CACNA1D: variants seen among roughly 807,000 people sequenced by gnomAD.
The protein encoded by CACNA1D is calcium voltage-gated channel subunit alpha1 D, also known as voltage-dependent L-type calcium channel subunit alpha-1D.
In CACNA1D, 55 loss-of-function variants were observed where a neutral mutation model predicts 257.1. That is an observed-to-expected ratio of 0.21 (90% CI 0.17 to 0.27). The LOEUF (loss-of-function observed/expected upper bound fraction) is 0.27, where lower values mean the gene tolerates loss of function less well. Ranked by LOEUF, CACNA1D falls within the 10% of genes least tolerant of loss-of-function variation. The pLI is 1.00. For synonymous variants in CACNA1D, 980 were observed against 1,014.9 expected, an observed-to-expected ratio of 0.97 and a Z score of 0.65; for missense variants, 1,876 against 2,784.0, an observed-to-expected ratio of 0.67 and a Z score of 7.34.
At chr3:53,770,130 T>A in intron 31 of CACNA1D, 113 bp downstream of exon 31, 1 of 933,206 alleles carries the variant, frequency 1.1e-6, no homozygotes, top group Non-Finnish European at 1.8e-6. Context: ...TCCAGAACAG[T>A]GTCTGCAGTG....
At chr3:53,533,258 T>C (rs150754999) in intron 3 of CACNA1D, among the ~76,000 whole-genome samples, 3 of 152,334 alleles carry the variant, frequency 2.0e-5, no homozygotes, top group Non-Finnish European at 4.4e-5. Context: ...CTCCCCATTT[T>C]CATTTTGATA....
rs773319583 is a variant in CACNA1D, at chr3:53,666,320, C to G, written c.920-19C>G. ...ATGTTTCTGTCCTGAGCGGTACAGC[C>G]TGTTTGCTCTGTTTGCAGATATCGT... On this transcript the variant is annotated intron_variant, in intron 6 of 47. Coordinates refer to ENST00000350061, the MANE Select transcript of CACNA1D (RefSeq NM_001128840.3). 6 of 1,610,406 alleles carry G rather than the reference C, an allele frequency of 3.7e-6. No individual in the cohort carries two copies. In the South Asian group the frequency reaches 6.6e-5, roughly 18 times the overall value.
intron 3 of CACNA1D, among the ~76,000 whole-genome samples, chr3:53,508,741 G>A (rs901531203): frequency 6.6e-6 from 1 of 152,168 alleles, no homozygotes. Flanking sequence ...CCAATACAGG[G>A]TGACAGCATG....
chr3:53,638,444 T>C (rs9819463), intron 3 of CACNA1D, among the ~76,000 whole-genome samples: 34,313 of 152,180 alleles, frequency 0.23, 4,357 homozygotes, highest in African/African-American at 0.34. Flanking sequence ...GGCACCATGC[T>C]GTTCCTGGGT....
At chr3:53,507,072 C>CAAAAAAAAAAAAAAAAAAAAAAAAA (rs781421977) in intron 3 of CACNA1D, among the ~76,000 whole-genome samples, 7 of 56,706 alleles carry the variant, frequency 1.2e-4, no homozygotes, top group East Asian at 5.1e-4. Context: ...GACTCTATCT[C>CAAAAAAAAAAAAAAAAAAAAAAAAA]AAAAAAAAAA....
At chr3:53,788,138 A>G (rs2095465642) in intron 40 of CACNA1D, among the ~76,000 whole-genome samples, 1 of 152,142 alleles carries the variant, frequency 6.6e-6, no homozygotes, top group African/African-American at 2.4e-5. Context: ...TATGAATGAC[A>G]GTGAATGAGT....
At chr3:53,638,608 C>T (rs2093913346) in intron 3 of CACNA1D, among the ~76,000 whole-genome samples, 1 of 152,214 alleles carries the variant, frequency 6.6e-6, no homozygotes, top group East Asian at 1.9e-4. Context: ...ACCAACAAAC[C>T]TGGGTAGCTT....
rs546677533 is a variant in CACNA1D, at chr3:53,774,192, A to T, written c.4111-395A>T. On this transcript the variant is annotated intron_variant, in intron 33 of 47. Transcript: ENST00000350061. The surrounding 1 kb of genome is among the most constrained non-coding windows in gnomAD (Gnocchi z 4.3). ...TTTCCTATCACCTGATGTATCTTTCAGTTCTGAGTTTACATGTCACTTCCC... is the reference window on the plus strand; with the variant it reads ...TTTCCTATCACCTGATGTATCTTTCTGTTCTGAGTTTACATGTCACTTCCC... 4 of 257,286 alleles carry T rather than the reference A, an allele frequency of 1.6e-5. No individual in the cohort carries two copies. The East Asian group carries it at 3.9e-4, about 25-fold the overall frequency. 15.9% of individuals were successfully genotyped at this position (257,286 alleles called of 1,614,324 possible).
At position 53,604,362 on chromosome 3, in the gene CACNA1D, C is replaced by G. The variant is rs534703933; in HGVS notation, c.484-46417C>G. On this transcript the variant is annotated intron_variant, in intron 3 of 47. Transcript: ENST00000350061. ...ACTGGCCAGCAGATGGGGAGTGGAG[C>G]TCAGTAGATAGCCATTCTGCACTCT... Among the ~76,000 whole-genome samples, 22 of 152,270 alleles carry G rather than the reference C, an allele frequency of 1.4e-4. No homozygotes were observed. The South Asian group carries it at 4.6e-3, about 32-fold the overall frequency.
intron 3 of CACNA1D, among the ~76,000 whole-genome samples, chr3:53,567,228 T>A (rs1248385777): frequency 6.6e-6 from 1 of 152,206 alleles, no homozygotes; most frequent in East Asian, 1.9e-4. Context: ...TCGCTAAAGT[T>A]CACTTTGGCC....
chr3:53,672,795 TGTGTGTGTGTG>T (rs1176764242), intron 7 of CACNA1D, among the ~76,000 whole-genome samples: 2 of 149,536 alleles, frequency 1.3e-5, no homozygotes, highest in African/African-American at 2.5e-5. Flanking sequence ...TGTGTGTGTG[TGTGTGTGTGTG>T]TGTGTGTGTG....
intron 3 of CACNA1D, among the ~76,000 whole-genome samples, chr3:53,643,777 TC>T (rs1415251101): frequency 6.6e-6 from 1 of 152,178 alleles, no homozygotes; most frequent in East Asian, 1.9e-4. Context: ...TCCCTTCCCT[TC>T]CCACCTGTCC....
At position 53,664,017 on chromosome 3, in the gene CACNA1D, C is replaced by T. The variant is rs144508427; in HGVS notation, c.767-1643C>T. Among the ~76,000 whole-genome samples, 736 of 152,270 alleles carry T rather than the reference C, an allele frequency of 4.8e-3. 23 individuals are homozygous for T. The East Asian group carries it at 0.085, about 18-fold the overall frequency. ...CTGACCTCAAGTGATCCATCTGCCTCGGCCTCCCAAAGTGCTGGGATTACA... is the reference window on the plus strand; with the variant it reads ...CTGACCTCAAGTGATCCATCTGCCTTGGCCTCCCAAAGTGCTGGGATTACA... On this transcript the variant is annotated intron_variant, in intron 5 of 47. Transcript: ENST00000350061.
At chr3:53,560,062 T>C (rs929711212) in intron 3 of CACNA1D, among the ~76,000 whole-genome samples, 1 of 30,752 alleles carries the variant, frequency 3.3e-5, no homozygotes, top group Non-Finnish European at 5.7e-5. Flanking sequence ...TAGGAGTTCC[T>C]TTTTTTTTTT....
chr3:53,773,302 A>G (rs2095377138), intron 33 of CACNA1D: 1 of 298,806 alleles, frequency 3.3e-6, no homozygotes, highest in South Asian at 3.6e-5. Context: ...TTTTGTGACC[A>G]TTGTTGTGCT....
intron 4 of CACNA1D, 44 bp from the exon 5 acceptor site, chr3:53,660,089 G>A (rs764974712): frequency 1.3e-6 from 2 of 1,581,620 alleles, no homozygotes; most frequent in African/African-American, 2.7e-5. Context: ...TTGCGTCCCT[G>A]GGGTAACAGA....
At chr3:53,650,980 G>T (rs574724474) in intron 4 of CACNA1D, 62 bp downstream of exon 4, 5 of 1,428,142 alleles carry the variant, frequency 3.5e-6, no homozygotes, top group Non-Finnish European at 4.9e-6. Context: ...GGTTGGGGGG[G>T]GTGGTGGTAA....
At chr3:53,599,640 C>T (rs934455572) in intron 3 of CACNA1D, among the ~76,000 whole-genome samples, 3 of 152,202 alleles carry the variant, frequency 2.0e-5, no homozygotes, top group African/African-American at 7.2e-5. Context: ...GGCATAATAT[C>T]CTTAAACTCA....
At chr3:53,778,338 A>T (rs556763790) in intron 37 of CACNA1D, among the ~76,000 whole-genome samples, 54 of 152,318 alleles carry the variant, frequency 3.5e-4, no homozygotes, top group Non-Finnish European at 6.6e-4. Context: ...CTTGAGGCAC[A>T]GTCATCCATT....
Sources: allele counts gnomAD v4.1 joint callset (sites outside exome capture counted in the v4.1 genomes callset), GRCh38; gene constraint gnomAD v4.1.1; non-coding constraint Gnocchi (gnomAD v3.1); transcripts MANE v1.5; gene names NCBI Gene and HGNC (gene_info 2026-07-23, HGNC 2026-07-21).